CEP250: variants seen among roughly 807,000 people sequenced by gnomAD.
The protein encoded by CEP250 is centrosome-associated protein CEP250.
CEP250 carries 242 observed loss-of-function variants against 315.7 expected under a neutral mutation model. The observed-to-expected ratio is 0.77, with a 90% CI of 0.69 to 0.85. The LOEUF is 0.85. Among genes scored for constraint, CEP250 ranks in the 40% least tolerant of loss-of-function variants. CEP250 has a pLI of 0.00. For synonymous variants in CEP250, 1,088 were observed against 1,175.0 expected, an observed-to-expected ratio of 0.93 and a Z score of 1.51; for missense variants, 2,515 against 2,886.4, an observed-to-expected ratio of 0.87 and a Z score of 2.95.
At chr20:35,488,247 G>T (rs1017758107) in intron 20 of CEP250, among the ~76,000 whole-genome samples, 1 of 152,126 alleles carries the variant, frequency 6.6e-6, no homozygotes, top group African/African-American at 2.4e-5. Flanking sequence ...ACTTGCAACT[G>T]CTATTAACAT....
chr20:35,503,584 G>C lies in CEP250; in HGVS notation c.5215G>C (p.Glu1739Gln). The C allele has an allele frequency of 6.2e-7, 1 of 1,614,118 alleles. No homozygotes were observed. The highest frequency in any genetic ancestry group is 8.5e-7 in the Non-Finnish European group (1 of 1,180,018). ...CCTGCGTGATAAGGAGAAGGAGGTG[G>C]AATGTCAGCAGGAGCATATCCATGA... ...LILRDKEKEV[E>Q]CQQEHIHELQ... Residue 1739 changes from glutamate to glutamine, a missense_variant, in exon 30 of 35, where the codon GAA becomes CAA. Physicochemically the swap from Glu to Gln is conservative, Grantham distance 29. Coordinates refer to ENST00000397527, the MANE Select transcript of CEP250 (RefSeq NM_007186.6). This position sits in a 1 kb window ranked among gnomAD's most constrained non-coding sequence, Gnocchi z 4.2.
At chr20:35,487,533 T>G (rs2063550531) in intron 20 of CEP250, among the ~76,000 whole-genome samples, 1 of 152,188 alleles carries the variant, frequency 6.6e-6, no homozygotes, top group Non-Finnish European at 1.5e-5. Context: ...ATCTACTGTC[T>G]GTCTCCCCTT....
In CEP250 at chr20:35,463,617, C is replaced by T. The variant is rs745465885; in HGVS notation, c.229C>T (p.Leu77=). The T allele has an allele frequency of 8.1e-6, 13 of 1,608,898 alleles. No individual in the cohort carries two copies. The highest frequency in any genetic ancestry group is 1.0e-5 in the Non-Finnish European group (12 of 1,177,558). ...RSWCQELEKR[L]EATGGPIPQR... ...CTGGTGCCAAGAGCTGGAGAAGCGG[C>T]TAGAAGCCACTGGAGTGAGTGAGGC... The change falls in exon 5 of 35, where the codon CTA becomes TTA. Residue 77 remains leucine (L), a synonymous_variant. Coordinates refer to ENST00000397527, the MANE Select transcript of CEP250 (RefSeq NM_007186.6).
rs1204602618 is a variant in CEP250, at chr20:35,513,733, C to G, written c.*2107C>G. On this transcript the variant is annotated 3_prime_UTR_variant, in exon 35 of 35. Transcript: ENST00000397527. The stretch of plus-strand genomic sequence containing the variant: ...AGGTCATGAGCCAGGGCCTTAGGCC[C>G]CACATACCTTCTGGGCCTCAGAGAG... 1 of 152,162 alleles carries G rather than the reference C, an allele frequency of 6.6e-6. No homozygotes were observed. The highest frequency in any genetic ancestry group is 1.9e-4 in the East Asian group (1 of 5,192). 9.4% of individuals were successfully genotyped at this position (152,162 alleles called of 1,614,324 possible).
chr20:35,515,899 C>G lies in CEP250; in HGVS notation c.*4273C>G, dbSNP rs1400880905. On this transcript the variant is annotated 3_prime_UTR_variant, in exon 35 of 35. Coordinates refer to ENST00000397527, the MANE Select transcript of CEP250 (RefSeq NM_007186.6). ...ATGGGGTCCTGAGGCCCTTTTACTC[C>G]CTCTACCCTGCTGGAGGTGAGGATG... 2 of 152,232 alleles carry G rather than the reference C, an allele frequency of 1.3e-5. No homozygotes were observed. The highest frequency in any genetic ancestry group is 2.4e-5 in the African/African-American group (1 of 41,458). 9.4% of individuals were successfully genotyped at this position (152,232 alleles called of 1,614,324 possible).
At chr20:35,510,134 G>A in intron 34 of CEP250, 80 bp downstream of exon 34, 1 of 1,351,452 alleles carries the variant, frequency 7.4e-7, no homozygotes, top group Admixed American at 1.7e-5. Flanking sequence ...GAGAGGGGAA[G>A]TTCCTCCCTT....
At chr20:35,499,395 A>G (rs918550548) in intron 27 of CEP250, among the ~76,000 whole-genome samples, 1 of 152,230 alleles carries the variant, frequency 6.6e-6, no homozygotes, top group Non-Finnish European at 1.5e-5. Flanking sequence ...ATCAGTGACC[A>G]CTGAGATTTG....
At chr20:35,461,268 G>T (rs945283258) in intron 3 of CEP250, among the ~76,000 whole-genome samples, 2 of 152,206 alleles carry the variant, frequency 1.3e-5, no homozygotes, top group Non-Finnish European at 2.9e-5. Flanking sequence ...CCAGGTTATG[G>T]GATAATTGTG....
intron 24 of CEP250, among the ~76,000 whole-genome samples, chr20:35,495,767 A>G (rs76527836): frequency 1.3e-5 from 2 of 151,936 alleles, no homozygotes; most frequent in Non-Finnish European, 2.9e-5. Context: ...GCAAAAAACA[A>G]CAAAAAAAAG....
At chr20:35,467,263 G>A in intron 8 of CEP250, 41 bp from the exon 9 acceptor site, 1 of 1,592,514 alleles carries the variant, frequency 6.3e-7, no homozygotes, top group Non-Finnish European at 8.6e-7. Flanking sequence ...CTCCTTCCCT[G>A]GTTCCTAGTG....
rs755127560 is a variant in CEP250, at chr20:35,504,114, G to T, written c.5745G>T (p.Gln1915His). The T allele has an allele frequency of 9.9e-6, 16 of 1,613,306 alleles. No individual in the cohort carries two copies. The East Asian group carries it at 1.3e-4, about 13-fold the overall frequency. The part of the protein sequence containing the change: ...ALQQQCAEQA[Q>H]EHEVETRALQ... ...AGCAGCAGTGTGCTGAGCAGGCACA[G>T]GAGCATGAGGTGGAGACCAGGGCCC... Residue 1915 changes from glutamine (Q) to histidine (H), a missense_variant, in exon 30 of 35, where the codon CAG becomes CAT. Coordinates refer to ENST00000397527, the MANE Select transcript of CEP250 (RefSeq NM_007186.6).
intron 23 of CEP250, 90 bp downstream of exon 23, chr20:35,493,662 G>A: frequency 2.3e-6 from 3 of 1,284,912 alleles, no homozygotes; most frequent in Non-Finnish European, 3.1e-6. Context: ...GAGAACCTTG[G>A]CCCTGCTGCC....
At position 35,462,470 on chromosome 20, in the gene CEP250, C is replaced by A; in HGVS notation, c.103C>A (p.Gln35Lys). Residue 35 changes from glutamine to lysine, a missense_variant, in exon 4 of 35, where the codon CAG becomes AAG. Physicochemically the swap from Gln to Lys is moderately conservative, Grantham distance 53. Transcript: ENST00000397527. ...ACTACAGCAGCAGATGGCAGAGAATCAGGCAGCCTCCTGGCGGAAGCTGAA... is the reference window on the plus strand; with the variant it reads ...ACTACAGCAGCAGATGGCAGAGAATAAGGCAGCCTCCTGGCGGAAGCTGAA... Reference protein sequence around the residue: ...LALQQQMAENQAASWRKLKNS... With the variant: ...LALQQQMAENKAASWRKLKNS... The A allele has an allele frequency of 6.2e-7, 1 of 1,608,678 alleles. No individual in the cohort carries two copies. Among genetic ancestry groups the A allele is most frequent in the Non-Finnish European group, 8.5e-7 (1 of 1,177,448 alleles).
At chr20:35,481,453 C>T (rs913292883) in intron 20 of CEP250, among the ~76,000 whole-genome samples, 3 of 152,042 alleles carry the variant, frequency 2.0e-5, no homozygotes, top group African/African-American at 4.8e-5. Flanking sequence ...TTTCACTGCT[C>T]CCTAATTTAT....
Position 35,480,003 on chromosome 20 carries a change from TGGA to T in CEP250, c.2445_2447del (p.Asp816del). On this transcript the variant is annotated inframe_deletion, in exon 20 of 35. Transcript: ENST00000397527. ...GAAGTGAGGTGCCTGAAGCTGGAACTGGACACTGAACGGAGTCAGGCAGAGCAG... is the reference window on the plus strand; with the variant it reads ...GAAGTGAGGTGCCTGAAGCTGGAACTCACTGAACGGAGTCAGGCAGAGCAG... 6.2e-7 allele frequency: 1 copy of T among 1,613,870 alleles called. No individual in the cohort carries two copies. Among genetic ancestry groups the T allele is most frequent in the East Asian group, 2.2e-5 (1 of 44,890 alleles).
Position 35,467,464 on chromosome 20 carries a change from C to G in CEP250, c.760C>G (p.Gln254Glu). ...AQLLLLLAKT[Q>E]ELEKEAHERS... is the part of the protein sequence containing the mutation. Reference sequence around the variant, plus strand: ...GCTGCTGCTGCTACTAGCCAAGACCCAGGAGCTGGAGAAGGAAGCCCATGA... The same window carrying G: ...GCTGCTGCTGCTACTAGCCAAGACCGAGGAGCTGGAGAAGGAAGCCCATGA... The change falls in exon 9 of 35, where the codon CAG becomes GAG. Residue 254 changes from glutamine (Q) to glutamate (E), a missense_variant. Gln to Glu is a conservative substitution (Grantham distance 29). Coordinates refer to ENST00000397527, the MANE Select transcript of CEP250 (RefSeq NM_007186.6). 6.2e-7 allele frequency: 1 copy of G among 1,614,134 alleles called. No homozygotes were observed. The highest frequency in any genetic ancestry group is 8.5e-7 in the Non-Finnish European group (1 of 1,180,028).
At position 35,517,752 on chromosome 20, in the gene CEP250, CA is replaced by C. The variant is rs11399738; in HGVS notation, c.*6142del. The stretch of plus-strand genomic sequence containing the variant: ...GAGTGATAAAAGTGAGACCCTGTCT[CA>C]AAAAAAAAAAAAAAATTAAAGAAGT... On this transcript the variant is annotated 3_prime_UTR_variant, in exon 35 of 35. Coordinates refer to ENST00000397527, the MANE Select transcript of CEP250 (RefSeq NM_007186.6). 2.9e-3 allele frequency: 354 copies of C among 122,554 alleles called. No individual in the cohort carries two copies. The highest frequency in any genetic ancestry group is 2.7e-3 in the African/African-American group (94 of 34,352). The allele number at this position is 122,554 out of a possible 1,614,324, so 7.6% of individuals were successfully genotyped here. A position where few individuals can be genotyped will look rare whatever the true frequency, so the allele number is the denominator to read the frequency against.
intron 32 of CEP250, among the ~76,000 whole-genome samples, chr20:35,508,652 T>C (rs7273215): frequency 0.022 from 3,398 of 152,306 alleles, 141 homozygotes; most frequent in African/African-American, 0.077. Context: ...CATGCATTGT[T>C]TATGGCTGCT....
chr20:35,497,357 C>T (rs958868053), intron 25 of CEP250, among the ~76,000 whole-genome samples: 3 of 152,184 alleles, frequency 2.0e-5, no homozygotes, highest in African/African-American at 7.2e-5. Flanking sequence ...GTGTCAGGAA[C>T]ACAATAAGCA....
Sources: allele counts gnomAD v4.1 joint callset (sites outside exome capture counted in the v4.1 genomes callset), GRCh38; gene constraint gnomAD v4.1.1; non-coding constraint Gnocchi (gnomAD v3.1); transcripts MANE v1.5; gene names NCBI Gene and HGNC (gene_info 2026-07-23, HGNC 2026-07-21).